Variants in DAB1 observed in about 807,000 individuals in gnomAD.
The protein encoded by DAB1 is DAB adaptor protein 1.
Under a neutral mutation model 64.6 loss-of-function variants are expected in DAB1, and 15 were observed. The observed-to-expected ratio is 0.23, with a 90% confidence interval of 0.16 to 0.36. DAB1 has a LOEUF of 0.36. Ranked by LOEUF, DAB1 falls within the 10% of genes least tolerant of loss-of-function variation. The pLI, the probability that DAB1 is intolerant of heterozygous loss-of-function variation, is 1.00. For synonymous variants in DAB1, 235 were observed against 251.9 expected, an observed-to-expected ratio of 0.93 and a Z score of 0.64; for missense variants, 596 against 706.7, an observed-to-expected ratio of 0.84 and a Z score of 1.78.
intron 7 of DAB1, among the ~76,000 whole-genome samples, chr1:57,499,064 C>T (rs375185586): frequency 6.6e-6 from 1 of 152,176 alleles, no homozygotes; most frequent in East Asian, 1.9e-4. Flanking sequence ...CAACCTCCGC[C>T]TCCCGGGTTC....
At chr1:57,865,142 G>A (rs1367502332) in intron 1 of DAB1, 1 of 152,128 alleles carries the variant, frequency 6.6e-6, no homozygotes, top group Non-Finnish European at 1.5e-5. Context: ...CTTCCAGGGA[G>A]TAGAAATGTA....
intron 4 of DAB1, chr1:58,229,093 G>A (rs919659934): frequency 2.9e-5 from 7 of 240,224 alleles, no homozygotes; most frequent in African/African-American, 6.9e-5. Flanking sequence ...CAGCCTCCTC[G>A]GTACCTGGTA....
intron 4 of DAB1, among the ~76,000 whole-genome samples, chr1:58,332,433 C>G (rs11799899): frequency 7.9e-5 from 12 of 152,112 alleles, no homozygotes; most frequent in African/African-American, 2.9e-4. Flanking sequence ...GGTTTCAGAC[C>G]ACTGCAATAA....
intron 5 of DAB1, among the ~76,000 whole-genome samples, chr1:57,902,446 G>T (rs1375059564): frequency 6.6e-6 from 1 of 151,916 alleles, no homozygotes; most frequent in Non-Finnish European, 1.5e-5. Context: ...GTACATTAAA[G>T]AATTATTACC....
At chr1:58,065,730 T>C (rs1648817977) in intron 5 of DAB1, among the ~76,000 whole-genome samples, 1 of 152,000 alleles carries the variant, frequency 6.6e-6, no homozygotes, top group African/African-American at 2.4e-5. Context: ...GGAATCTACA[T>C]CTGTGGAGGG....
In DAB1 at chr1:58,288,699, C is replaced by T. The variant is rs1053599077; in HGVS notation, n.309+54653G>A. Among the ~76,000 whole-genome samples the T allele has an allele frequency of 7.2e-5, 11 of 152,290 alleles. No individual in the cohort carries two copies. The South Asian group carries it at 1.2e-3, about 17-fold the overall frequency. Reference sequence around the variant, plus strand: ...GCTATTATTTTAAGTTCATAAGCCCCTCCTTTGACCCTCTTCTCCTTATAT... The same window carrying T: ...GCTATTATTTTAAGTTCATAAGCCCTTCCTTTGACCCTCTTCTCCTTATAT... On this transcript the variant is annotated intron_variant and non_coding_transcript_variant, in intron 4 of 20. Transcript: ENST00000485760.
At chr1:57,106,258 C>CCCG (rs1553142614) in intron 4 of DAB1, among the ~76,000 whole-genome samples, 1 of 7,734 alleles carries the variant, frequency 1.3e-4, no homozygotes, top group Non-Finnish European at 2.3e-4. Flanking sequence ...CCCCCTAACA[C>CCCG]CCCCCCCCAT....
At chr1:57,289,749 G>C (rs927007602) in intron 2 of DAB1, among the ~76,000 whole-genome samples, 2 of 152,136 alleles carry the variant, frequency 1.3e-5, no homozygotes, top group Non-Finnish European at 2.9e-5. Context: ...CAGTTTGCAA[G>C]CCCACATTGA....
chr1:57,897,759 C>T (rs766310749), intron 5 of DAB1, among the ~76,000 whole-genome samples: 2 of 152,112 alleles, frequency 1.3e-5, no homozygotes, highest in African/African-American at 4.8e-5. Flanking sequence ...GGAGGAGGAG[C>T]TTTGGACACC....
intron 1 of DAB1, among the ~76,000 whole-genome samples, chr1:57,872,138 GTTATTA>G (rs1190484076): frequency 6.6e-6 from 1 of 152,152 alleles, no homozygotes; most frequent in East Asian, 1.9e-4. Flanking sequence ...TACTTTAAAA[GTTATTA>G]TTATTAATAG....
intron 6 of DAB1, among the ~76,000 whole-genome samples, chr1:57,777,323 T>C (rs756349692): frequency 4.0e-5 from 6 of 151,732 alleles, no homozygotes; most frequent in Non-Finnish European, 8.8e-5. Context: ...GATTTTCATT[T>C]AATTTCTTTA....
intron 3 of DAB1, among the ~76,000 whole-genome samples, chr1:58,439,085 C>T (rs1644978742): frequency 6.8e-6 from 1 of 145,998 alleles, no homozygotes; most frequent in Non-Finnish European, 1.5e-5. Flanking sequence ...TATCGTTCCC[C>T]ACCCACCCAC....
At chr1:57,875,867 A>T (rs547650538) in intron 1 of DAB1, among the ~76,000 whole-genome samples, 1 of 152,302 alleles carries the variant, frequency 6.6e-6, no homozygotes, top group South Asian at 2.1e-4. Flanking sequence ...ATTGATCCTC[A>T]TCAGCACTTT....
intron 1 of DAB1, chr1:58,539,161 T>C (rs1376782478): frequency 1.1e-5 from 10 of 872,876 alleles, no homozygotes; most frequent in Admixed American, 5.1e-5. Flanking sequence ...ATTTACTATA[T>C]GGTTAACTTG....
intron 3 of DAB1, among the ~76,000 whole-genome samples, chr1:58,483,808 C>G (rs527844919): frequency 6.6e-6 from 1 of 152,192 alleles, no homozygotes; most frequent in East Asian, 1.9e-4. Flanking sequence ...AAAATTGGGA[C>G]GTACGGTCAC....
chr1:57,033,371 A>G, intron 9 of DAB1: 1 of 1,612,578 alleles, frequency 6.2e-7, no homozygotes, highest in Non-Finnish European at 8.5e-7. Context: ...TTTAACACAA[A>G]CCTCAAGGCC....
Position 57,602,306 on chromosome 1 carries a change from A to G in DAB1, n.625+47286T>C, listed in dbSNP as rs547237389. Among the ~76,000 whole-genome samples, 3 of 152,320 alleles carry G rather than the reference A, an allele frequency of 2.0e-5. No homozygotes were observed. The South Asian group carries it at 6.2e-4, about 32-fold the overall frequency. ...TTTAAAAGGTAGGATAGATACGATG[A>G]TCCTTGTGAAGTTTTCTCACATTCA... On this transcript the variant is annotated intron_variant and non_coding_transcript_variant, in intron 7 of 20. Transcript: ENST00000485760.
chr1:58,357,026 CAAA>C (rs3990929), intron 3 of DAB1, among the ~76,000 whole-genome samples: 58 of 86,110 alleles, frequency 6.7e-4, no homozygotes, highest in South Asian at 1.2e-3. Flanking sequence ...ACCCTGTCTC[CAAA>C]AAAAAAAAAA....
chr1:57,831,331 T>C (rs575131359), intron 1 of DAB1, among the ~76,000 whole-genome samples: 28 of 152,278 alleles, frequency 1.8e-4, no homozygotes, highest in Middle Eastern at 3.4e-3. Context: ...GTTTTTCCCT[T>C]ACTCGTCTAG....
Sources: allele counts gnomAD v4.1 joint callset (sites outside exome capture counted in the v4.1 genomes callset), GRCh38; gene constraint gnomAD v4.1.1; transcripts MANE v1.5; gene names NCBI Gene and HGNC (gene_info 2026-07-23, HGNC 2026-07-21).